The following NEK8 variants were observed in gnomAD, a reference collection of about 807,000 sequenced individuals.
NEK8 encodes the protein serine/threonine-protein kinase Nek8.
A neutral mutation model predicts 77.2 loss-of-function variants in NEK8; 51 were observed. The observed-to-expected ratio is 0.66, with a 90% CI of 0.53 to 0.83. NEK8 has a LOEUF of 0.83. NEK8 is among the 40% of genes least tolerant of loss of function. The pLI is 0.00. For synonymous variants in NEK8, 365 were observed against 363.2 expected, an observed-to-expected ratio of 1.00 and a Z score of -0.06; for missense variants, 787 against 909.2, an observed-to-expected ratio of 0.87 and a Z score of 1.73.
rs749189681 is a variant in NEK8 at position 28,740,484 on chromosome 17, G to A, written c.1439G>A (p.Arg480Lys). ...GDSGRLGLGT[R>K]ESHSCPQQVP... ...GTAGGCAGACTGGGGCTAGGCACCA[G>A]GGAGTCCCACAGCTGCCCCCAGCAG... is the stretch of plus-strand genomic sequence containing the variant. The change falls in exon 11 of 15, where the codon AGG becomes AAG. Residue 480 changes from arginine to lysine, a missense_variant. Physicochemically the swap from Arg to Lys is conservative, Grantham distance 26 (BLOSUM62 2). Around this residue, in one of 2 missense-constraint regions of NEK8, gnomAD observed 516 missense variants for 544.0 expected, o/e 0.95. Transcript: ENST00000268766. The surrounding 1 kb of genome is among the most constrained non-coding windows in gnomAD (Gnocchi z 4.7). 1 of 1,613,984 alleles carries A rather than the reference G, an allele frequency of 6.2e-7. No individual in the cohort carries two copies. Among genetic ancestry groups the A allele is most frequent in the South Asian group, 1.1e-5 (1 of 91,084 alleles).
Position 28,738,178 on chromosome 17 carries a change from G to A in NEK8, c.1155G>A (p.Leu385=), listed in dbSNP as rs1270462915. 1 of 1,614,040 alleles carries A rather than the reference G, an allele frequency of 6.2e-7. No homozygotes were observed. The highest frequency in any genetic ancestry group is 8.5e-7 in the Non-Finnish European group (1 of 1,180,016). Residue 385 remains leucine, a synonymous_variant, in exon 8 of 15, where the codon CTG becomes CTA. Coordinates refer to ENST00000268766, the MANE Select transcript of NEK8 (RefSeq NM_178170.3). ...QPQPQFISRF[L]EGQSGVTIKH... is the part of the protein sequence containing the mutation. ...AGCCCCAGTTCATCTCGCGTTTCCT[G>A]GAGGGCCAGTCGGGTGTGACCATCA...
rs1054257308 is a variant in NEK8 at position 28,732,545 on chromosome 17, C to CTTTTTTTTTTTTT, written c.48-1426_48-1414dup. Among the ~76,000 whole-genome samples the CTTTTTTTTTTTTT allele has an allele frequency of 1.4e-3, 110 of 77,918 alleles. 1 individual carries two copies. Among genetic ancestry groups the CTTTTTTTTTTTTT allele is most frequent in the Non-Finnish European group, 1.6e-3 (70 of 42,970 alleles). 51.1% of individuals were successfully genotyped at this position (77,918 alleles called of 152,430 possible). ...CTAGGGCGATTTTCTTTTTTCTTTT[C>CTTTTTTTTTTTTT]TTTTTTTTTTTTTTTTTTTTTTTTG... On this transcript the variant is annotated intron_variant, in intron 1 of 14. Coordinates refer to ENST00000268766, the MANE Select transcript of NEK8 (RefSeq NM_178170.3).
At position 28,740,250 on chromosome 17, in the gene NEK8, C is replaced by T. The variant is rs1279919060; in HGVS notation, c.1418-213C>T. 6.6e-6 allele frequency among the ~76,000 whole-genome samples: 1 copy of T among 152,112 alleles called. No individual in the cohort carries two copies. The highest frequency in any genetic ancestry group is 1.5e-5 in the Non-Finnish European group (1 of 68,022). Reference sequence around the variant, plus strand: ...AGTGAGTGAAGATCATACCCTTGTACTCCAGCCTTGGCGACAGAGTGAGAC... The same window carrying T: ...AGTGAGTGAAGATCATACCCTTGTATTCCAGCCTTGGCGACAGAGTGAGAC... On this transcript the variant is annotated intron_variant, in intron 10 of 14. Transcript: ENST00000268766. This position sits in a 1 kb window ranked among gnomAD's most constrained non-coding sequence, Gnocchi z 4.7.
rs757972103 is a variant in NEK8, at chr17:28,740,994, G to T, written c.1732+9G>T. 12 of 1,613,918 alleles carry T rather than the reference G, an allele frequency of 7.4e-6. No individual in the cohort carries two copies. The East Asian group carries it at 2.5e-4, about 33-fold the overall frequency. On this transcript the variant is annotated intron_variant, in intron 12 of 14. Transcript: ENST00000268766. The surrounding 1 kb of genome is among the most constrained non-coding windows in gnomAD (Gnocchi z 4.7). ...CTCAGCTGCTGTGACTGGTGAGGAG[G>T]ACTTGGGCTCTGGAGGTCAGAGGGG...
Position 28,737,858 on chromosome 17 carries a change from CACT to C in NEK8, c.930_932del (p.Leu311del). Reference sequence around the variant, plus strand: ...CCTGTGAGGCCAGCCATCCCACCACCACTGTCGTCAGTGTATGCCTGGGGTGGT... The same window carrying C: ...CCTGTGAGGCCAGCCATCCCACCACCGTCGTCAGTGTATGCCTGGGGTGGT... On this transcript the variant is annotated inframe_deletion, in exon 7 of 15. Coordinates refer to ENST00000268766, the MANE Select transcript of NEK8 (RefSeq NM_178170.3). The surrounding 1 kb of genome is among the most constrained non-coding windows in gnomAD (Gnocchi z 4.8). 1.2e-6 allele frequency: 2 copies of C among 1,613,994 alleles called. No homozygotes were observed.
intron 8 of NEK8, 104 bp downstream of exon 8, chr17:28,738,349 G>C (rs573874049): frequency 3.0e-6 from 4 of 1,325,798 alleles, no homozygotes; most frequent in Non-Finnish European, 4.3e-6. Context: ...CTGTCTACTA[G>C]TTATCGAGTT....
rs771107814 is a variant in NEK8 at position 28,740,784 on chromosome 17, G to T, written c.1569-38G>T. On this transcript the variant is annotated intron_variant, in intron 11 of 14. Coordinates refer to ENST00000268766, the MANE Select transcript of NEK8 (RefSeq NM_178170.3). The surrounding 1 kb of genome is among the most constrained non-coding windows in gnomAD (Gnocchi z 4.7). ...TGGTGCACCAGCTCCTGCCCAAACT[G>T]TCTGTCAGTTGGATTTGGCTTCTGG... The T allele has an allele frequency of 6.2e-7, 1 of 1,612,174 alleles. No homozygotes were observed. Among genetic ancestry groups the T allele is most frequent in the Admixed American group, 1.7e-5 (1 of 60,012 alleles).
intron 2 of NEK8, 59 bp from the exon 3 acceptor site, chr17:28,734,713 G>C: frequency 1.7e-6 from 2 of 1,192,242 alleles, no homozygotes; most frequent in Non-Finnish European, 2.5e-6. Context: ...AACAACAATG[G>C]AGAGGGGTTG....
rs199962228 is a variant in NEK8, at chr17:28,737,917, C to T, written c.988C>T (p.Leu330Phe). The T allele has an allele frequency of 3.0e-4, 486 of 1,613,740 alleles. 1 individual carries two copies. The highest frequency in any genetic ancestry group is 3.9e-4 in the Non-Finnish European group (461 of 1,179,996). The change falls in exon 7 of 15, where the codon CTC becomes TTC. Residue 330 changes from leucine to phenylalanine, a missense_variant. By Grantham distance (22) the Leu-to-Phe change is conservative. Around this residue, in one of 2 missense-constraint regions of NEK8, gnomAD observed 516 missense variants for 544.0 expected, o/e 0.95. Coordinates refer to ENST00000268766, the MANE Select transcript of NEK8 (RefSeq NM_178170.3). The surrounding 1 kb of genome is among the most constrained non-coding windows in gnomAD (Gnocchi z 4.8). ...GGGCACCCCCCTGCGGCTGCCAATG[C>T]TCAACACAGAGGTGGTCCAGGTGGC... Reference protein sequence around the residue: ...GLGTPLRLPMLNTEVVQVAAG... With the variant: ...GLGTPLRLPMFNTEVVQVAAG...
Position 28,740,976 on chromosome 17 carries a change from GCTGTGA to G in NEK8, c.1727_1732del (p.Val576_Thr577del). 6.2e-7 allele frequency: 1 copy of G among 1,614,154 alleles called. No individual in the cohort carries two copies. Among genetic ancestry groups the G allele is most frequent in the Non-Finnish European group, 8.5e-7 (1 of 1,180,044 alleles). Reference sequence around the variant, plus strand: ...AGACCTGGGCACTGCTCACTCAGCTGCTGTGACTGGTGAGGAGGACTTGGGCTCTGG... The same window carrying G: ...AGACCTGGGCACTGCTCACTCAGCTGCTGGTGAGGAGGACTTGGGCTCTGG... On this transcript the variant is annotated inframe_deletion, in exon 12 of 15. Transcript: ENST00000268766. This position sits in a 1 kb window ranked among gnomAD's most constrained non-coding sequence, Gnocchi z 4.7.
In NEK8 at chr17:28,738,018, T is replaced by C; in HGVS notation, c.1071+18T>C. On this transcript the variant is annotated intron_variant, in intron 7 of 14. Transcript: ENST00000268766. ...TGTGGGAGGTGAGCAGGCCAGGGGG[T>C]GGCCTGGATGGGTGGAGGTGGAGGT... 1.2e-6 allele frequency: 2 copies of C among 1,612,426 alleles called. No homozygotes were observed. The highest frequency in any genetic ancestry group is 1.7e-6 in the Non-Finnish European group (2 of 1,179,510).
rs763804220 is a variant in NEK8, at chr17:28,737,278, C to T, written c.619-28C>T. The T allele has an allele frequency of 6.3e-7, 1 of 1,588,246 alleles. No homozygotes were observed. The highest frequency in any genetic ancestry group is 1.1e-5 in the South Asian group (1 of 87,988). On this transcript the variant is annotated intron_variant, in intron 4 of 14. Transcript: ENST00000268766. This position sits in a 1 kb window ranked among gnomAD's most constrained non-coding sequence, Gnocchi z 4.8. ...GCTGGGGGGTGCTGCCCTCACTTCCCCAAATTCTCAACCTGGTGCCTTCAC... is the reference window on the plus strand; with the variant it reads ...GCTGGGGGGTGCTGCCCTCACTTCCTCAAATTCTCAACCTGGTGCCTTCAC...
chr17:28,730,553 C>T (rs1452834945), intron 1 of NEK8, among the ~76,000 whole-genome samples: 3 of 152,128 alleles, frequency 2.0e-5, no homozygotes, highest in Non-Finnish European at 4.4e-5. Flanking sequence ...GGATTACAGG[C>T]GTGAGCCACC....
At position 28,742,179 on chromosome 17, in the gene NEK8, C is replaced by T; in HGVS notation, c.*192C>T. The T allele has an allele frequency of 1.5e-6, 1 of 686,542 alleles. No individual in the cohort carries two copies. Among genetic ancestry groups the T allele is most frequent in the South Asian group, 1.6e-5 (1 of 63,930 alleles). The allele number at this position is 686,542 out of a possible 1,614,324, so 42.5% of individuals were successfully genotyped here. ...CCTCAACCACTTTGTTCTCCTACCA[C>T]CTCTTTGCCCTTCCTACCCCTTCCT... is the stretch of plus-strand genomic sequence containing the variant. On this transcript the variant is annotated 3_prime_UTR_variant, in exon 15 of 15. Transcript: ENST00000268766.
At chr17:28,729,760 G>T (rs1412343130) in intron 1 of NEK8, among the ~76,000 whole-genome samples, 1 of 152,058 alleles carries the variant, frequency 6.6e-6, no homozygotes, top group African/African-American at 2.4e-5. Flanking sequence ...TGGCCAGGCT[G>T]GTCTCAAATT....
At position 28,742,063 on chromosome 17, in the gene NEK8, G is replaced by C. The variant is rs912000224; in HGVS notation, c.*76G>C. 1 of 1,366,662 alleles carries C rather than the reference G, an allele frequency of 7.3e-7. No homozygotes were observed. Among genetic ancestry groups the C allele is most frequent in the African/African-American group, 1.4e-5 (1 of 70,102 alleles). The allele number at this position is 1,366,662 out of a possible 1,614,324, so 84.7% of individuals were successfully genotyped here. A position where few individuals can be genotyped will look rare whatever the true frequency, so the allele number is the denominator to read the frequency against. ...GCTCTGAAAAGTGCAGGTGCCCAAG[G>C]CATGACTTGCAGCTGTCTCCTGGAT... On this transcript the variant is annotated 3_prime_UTR_variant, in exon 15 of 15. Coordinates refer to ENST00000268766, the MANE Select transcript of NEK8 (RefSeq NM_178170.3).
chr17:28,735,126 CAGG>C, intron 3 of NEK8, 111 bp from the exon 4 acceptor site: 3 of 1,548,962 alleles, frequency 1.9e-6, no homozygotes, highest in Non-Finnish European at 1.8e-6. Context: ...GGTGGTTCTG[CAGG>C]AGGAAGCCCC....
At chr17:28,730,871 T>C (rs922858519) in intron 1 of NEK8, among the ~76,000 whole-genome samples, 1 of 151,964 alleles carries the variant, frequency 6.6e-6, no homozygotes, top group Non-Finnish European at 1.5e-5. Context: ...TGTAGTAAGC[T>C]GAGATGAGAC....
chr17:28,737,948 G>A lies in NEK8; in HGVS notation c.1019G>A (p.Gly340Glu). ...ACAGAGGTGGTCCAGGTGGCAGCTG[G>A]GCGCACGCAGAAAGCCGGCGTCACG... ...LNTEVVQVAA[G>E]RTQKAGVTRS... The change falls in exon 7 of 15, where the codon GGG becomes GAG. Residue 340 changes from glycine (G) to glutamate (E), a missense_variant. Around this residue, in one of 2 missense-constraint regions of NEK8, gnomAD observed 516 missense variants for 544.0 expected, o/e 0.95. Transcript: ENST00000268766. This position sits in a 1 kb window ranked among gnomAD's most constrained non-coding sequence, Gnocchi z 4.8. 1 of 1,612,784 alleles carries A rather than the reference G, an allele frequency of 6.2e-7. No homozygotes were observed. Among genetic ancestry groups the A allele is most frequent in the South Asian group, 1.1e-5 (1 of 91,058 alleles).
Sources: allele counts gnomAD v4.1 joint callset (sites outside exome capture counted in the v4.1 genomes callset), GRCh38; gene constraint gnomAD v4.1.1; regional missense constraint gnomAD v4.1.1; non-coding constraint Gnocchi (gnomAD v3.1); transcripts MANE v1.5; gene names NCBI Gene and HGNC (gene_info 2026-07-23, HGNC 2026-07-21).